The following LRBA variants were observed in gnomAD, a reference collection of about 807,000 sequenced individuals.
LRBA encodes LPS responsive beige-like anchor protein.
In LRBA, 176 loss-of-function variants were observed where a neutral mutation model predicts 330.0. That is an observed-to-expected ratio of 0.53 (90% CI 0.47 to 0.60). The LOEUF (loss-of-function observed/expected upper bound fraction) is 0.60, where lower values mean the gene tolerates loss of function less well. Among genes scored for constraint, LRBA ranks in the 20% least tolerant of loss-of-function variants. The pLI is 0.00. For synonymous variants in LRBA, 1,230 were observed against 1,193.0 expected (o/e 1.03, Z -0.64); for missense variants, 3,259 against 3,444.8 (o/e 0.95, Z 1.35).
chr4:150,402,486 T>C (rs1308674554), intron 47 of LRBA, among the ~76,000 whole-genome samples: 5 of 152,070 alleles, frequency 3.3e-5, no homozygotes, highest in Non-Finnish European at 7.4e-5. Context: ...TTTTGAGATA[T>C]AAATTTCTCA....
Position 150,359,612 on chromosome 4 carries a change from T to C in LRBA, c.7195-9453A>G, listed in dbSNP as rs558122380. ...TATTAATATTTTGGACTTCCTTTTA[T>C]AGACTTGAAATTAACCCTTTGTTTT... On this transcript the variant is annotated intron_variant, in intron 47 of 56. Transcript: ENST00000651943. 9.2e-5 allele frequency among the ~76,000 whole-genome samples: 14 copies of C among 152,294 alleles called. No homozygotes were observed. In the East Asian group the frequency reaches 1.5e-3, roughly 17 times the overall value.
intron 37 of LRBA, among the ~76,000 whole-genome samples, chr4:150,626,183 A>C (rs1776844806): frequency 6.6e-6 from 1 of 152,190 alleles, no homozygotes. Context: ...CTCACTCTGT[A>C]GTATGAACTG....
At chr4:150,639,803 ATATGTGTGTG>A (rs1292273200) in intron 37 of LRBA, among the ~76,000 whole-genome samples, 7 of 4,822 alleles carry the variant, frequency 1.5e-3, no homozygotes, top group African/African-American at 4.1e-3. Flanking sequence ...ATATATATAT[ATATGTGTGTG>A]TGTGTGTATA....
intron 40 of LRBA, among the ~76,000 whole-genome samples, chr4:150,497,334 T>C (rs1759708355): frequency 6.6e-6 from 1 of 152,168 alleles, no homozygotes; most frequent in African/African-American, 2.4e-5. Flanking sequence ...TAAGTAAAAT[T>C]TAGAGGTCTT....
At chr4:150,793,809 C>G (rs185594176) in intron 34 of LRBA, among the ~76,000 whole-genome samples, 275 of 152,222 alleles carry the variant, frequency 1.8e-3, no homozygotes, top group African/African-American at 6.0e-3. Context: ...AGCTAGCTAA[C>G]TGATTCATTT....
At chr4:150,949,257 A>C (rs1329604384) in intron 2 of LRBA, among the ~76,000 whole-genome samples, 1 of 152,108 alleles carries the variant, frequency 6.6e-6, no homozygotes, top group Non-Finnish European at 1.5e-5. Context: ...AATACTATTC[A>C]ACAATAAAAA....
At chr4:150,386,681 G>C (rs554861599) in intron 47 of LRBA, among the ~76,000 whole-genome samples, 4 of 152,194 alleles carry the variant, frequency 2.6e-5, no homozygotes, top group African/African-American at 9.6e-5. Context: ...TGGGCATTTA[G>C]GTTGATTCCA....
At chr4:150,621,351 A>G (rs903606370) in intron 37 of LRBA, among the ~76,000 whole-genome samples, 3 of 152,162 alleles carry the variant, frequency 2.0e-5, no homozygotes, top group African/African-American at 4.8e-5. Context: ...TTATTCCTCA[A>G]CAAATGTTTG....
chr4:150,407,739 A>G (rs1453458970), intron 47 of LRBA, among the ~76,000 whole-genome samples: 1 of 152,170 alleles, frequency 6.6e-6, no homozygotes, highest in Non-Finnish European at 1.5e-5. Flanking sequence ...GAAAATACAC[A>G]TTTGGAAAAT....
intron 56 of LRBA, among the ~76,000 whole-genome samples, chr4:150,266,848 TTGAAAG>T (rs1347556059): frequency 6.6e-6 from 1 of 152,108 alleles, no homozygotes; most frequent in Non-Finnish European, 1.5e-5. Flanking sequence ...GACAAACATC[TTGAAAG>T]TGAAAGGATG....
intron 47 of LRBA, among the ~76,000 whole-genome samples, chr4:150,360,742 C>T (rs150324431): frequency 1.3e-3 from 200 of 152,258 alleles, no homozygotes; most frequent in African/African-American, 4.4e-3. Context: ...TTCTCAGTGC[C>T]GTGAAGAATG....
At chr4:150,686,722 CG>C in intron 36 of LRBA, among the ~76,000 whole-genome samples, 1 of 152,180 alleles carries the variant, frequency 6.6e-6, no homozygotes, top group Admixed American at 6.5e-5. Context: ...AGAAAATCAC[CG>C]GTTTCTGAAA....
intron 37 of LRBA, among the ~76,000 whole-genome samples, chr4:150,638,538 A>G (rs1245551833): frequency 3.3e-5 from 5 of 152,330 alleles, no homozygotes; most frequent in South Asian, 4.1e-4. Flanking sequence ...TTAAGAACAC[A>G]TAAGGACATG....
intron 2 of LRBA, among the ~76,000 whole-genome samples, chr4:150,982,298 C>T (rs1016961825): frequency 3.4e-4 from 51 of 152,108 alleles, no homozygotes; most frequent in African/African-American, 1.2e-3. Flanking sequence ...TACTTACGTA[C>T]ATTGTGAGGA....
chr4:150,422,635 C>G lies in LRBA; in HGVS notation c.7042-7045G>C, dbSNP rs1404137462. The stretch of plus-strand genomic sequence containing the variant: ...AGGGACAAGGTTCCATGAAGAGCAC[C>G]CTGAGTTCCTTAGAAGAACTGGCAC... On this transcript the variant is annotated intron_variant, in intron 46 of 56. Transcript: ENST00000651943. The G allele has an allele frequency of 6.5e-6, 4 of 613,902 alleles. No individual in the cohort carries two copies. The East Asian group carries it at 1.2e-4, about 18-fold the overall frequency. 38.0% of individuals were successfully genotyped at this position (613,902 alleles called of 1,614,324 possible).
At chr4:150,289,012 T>G (rs1375267743) in intron 53 of LRBA, among the ~76,000 whole-genome samples, 2 of 152,144 alleles carry the variant, frequency 1.3e-5, no homozygotes, top group Non-Finnish European at 2.9e-5. Flanking sequence ...GCTAACTTTT[T>G]GTTTTCTTGG....
chr4:150,328,138 T>TA lies in LRBA; in HGVS notation c.7363-2241dup, dbSNP rs201476663. On this transcript the variant is annotated intron_variant, in intron 48 of 56. Coordinates refer to ENST00000651943, the MANE Select transcript of LRBA (RefSeq NM_001364905.1). ...AAAATACAAAACTAATTCCTTTTCT[T>TA]AAAAAAAAACTTGCATGTTTCAGAG... Among the ~76,000 whole-genome samples, 182 of 151,582 alleles carry TA rather than the reference T, an allele frequency of 1.2e-3. 1 individual carries two copies. The highest frequency in any genetic ancestry group is 4.3e-3 in the African/African-American group (177 of 41,390).
At chr4:150,324,138 T>C (rs180706697) in intron 49 of LRBA, among the ~76,000 whole-genome samples, 1 of 152,148 alleles carries the variant, frequency 6.6e-6, no homozygotes, top group Non-Finnish European at 1.5e-5. Flanking sequence ...ACCCTCGGGA[T>C]AGCAAAGCTG....
chr4:150,689,759 CTACAAAAA>C (rs1443825542), intron 36 of LRBA, among the ~76,000 whole-genome samples: 1 of 151,922 alleles, frequency 6.6e-6, no homozygotes, highest in East Asian at 1.9e-4. Flanking sequence ...AACCCCATAG[CTACAAAAA>C]TACAAAAATT....
Sources: allele counts gnomAD v4.1 joint callset (sites outside exome capture counted in the v4.1 genomes callset), GRCh38; gene constraint gnomAD v4.1.1; transcripts MANE v1.5; gene names NCBI Gene and HGNC (gene_info 2026-07-23, HGNC 2026-07-21).